Variants in DLG2 observed in about 807,000 individuals in gnomAD.
The protein encoded by DLG2 is discs large MAGUK scaffold protein 2, also known as disks large homolog 2.
A neutral mutation model predicts 132.5 loss-of-function variants in DLG2; 45 were observed. That is an observed-to-expected ratio of 0.34 (90% confidence interval 0.27 to 0.44). DLG2 has a LOEUF of 0.44. Ranked by LOEUF, DLG2 falls within the 20% of genes least tolerant of loss-of-function variation. The pLI is 1.00. For synonymous variants in DLG2, 424 were observed against 419.6 expected (o/e 1.01, Z -0.13); for missense variants, 1,045 against 1,196.9 (o/e 0.87, Z 1.87).
intron 6 of DLG2, among the ~76,000 whole-genome samples, chr11:85,036,439 A>G (rs1322608184): frequency 2.0e-5 from 3 of 152,238 alleles, no homozygotes; most frequent in Non-Finnish European, 2.9e-5. Flanking sequence ...CGTGGTCTCA[A>G]TAAAGAGAAG....
At chr11:84,048,118 G>A (rs2096276969) in intron 11 of DLG2, among the ~76,000 whole-genome samples, 1 of 151,290 alleles carries the variant, frequency 6.6e-6, no homozygotes, top group African/African-American at 2.4e-5. Context: ...TGGGAACAAG[G>A]TGAATTTATC....
At position 84,408,894 on chromosome 11, in the gene DLG2, C is replaced by T. The variant is rs919422548; in HGVS notation, c.519+125676G>A. On this transcript the variant is annotated intron_variant, in intron 7 of 27. Coordinates refer to ENST00000376104, the MANE Select transcript of DLG2 (RefSeq NM_001142699.3). ...CTCTGTAGATGTCTACAGCAAGGCC[C>T]TTGCTCATCTTGCATCTACAGTCTC... 3.9e-5 allele frequency among the ~76,000 whole-genome samples: 6 copies of T among 152,158 alleles called. 1 individual carries two copies. Among genetic ancestry groups the T allele is most frequent in the African/African-American group, 1.2e-4 (5 of 41,446 alleles).
At chr11:83,511,658 G>T (rs570583876) in intron 21 of DLG2, among the ~76,000 whole-genome samples, 1 of 151,414 alleles carries the variant, frequency 6.6e-6, no homozygotes, top group African/African-American at 2.4e-5. Flanking sequence ...CCCTCCAATA[G>T]CAAAAAGTGC....
intron 3 of DLG2, among the ~76,000 whole-genome samples, chr11:85,522,068 C>T (rs541728258): frequency 1.3e-5 from 2 of 152,284 alleles, no homozygotes; most frequent in African/African-American, 4.8e-5. Context: ...TCACAGCAGT[C>T]CTTCCCATCA....
At chr11:85,321,096 T>A (rs141319742) in intron 3 of DLG2, among the ~76,000 whole-genome samples, 1 of 151,970 alleles carries the variant, frequency 6.6e-6, no homozygotes, top group Admixed American at 6.6e-5. Flanking sequence ...TAAGAGATGA[T>A]AGTGATTTGA....
At chr11:84,118,218 T>G (rs2154198847) in intron 9 of DLG2, among the ~76,000 whole-genome samples, 1 of 152,318 alleles carries the variant, frequency 6.6e-6, no homozygotes, top group South Asian at 2.1e-4. Context: ...TTATGTTTAC[T>G]CATGCTTCTA....
chr11:84,293,679 A>C (rs1278198059), intron 7 of DLG2, among the ~76,000 whole-genome samples: 1 of 152,212 alleles, frequency 6.6e-6, no homozygotes, highest in African/African-American at 2.4e-5. Context: ...TCCGTCTCAA[A>C]AAATAAATAA....
chr11:85,161,208 G>A (rs1365510279), intron 4 of DLG2, among the ~76,000 whole-genome samples: 1 of 152,214 alleles, frequency 6.6e-6, no homozygotes, highest in Non-Finnish European at 1.5e-5. Flanking sequence ...AAGTGGATAG[G>A]ATGACCTGTT....
chr11:85,090,111 A>G (rs1279593125), intron 6 of DLG2, among the ~76,000 whole-genome samples: 1 of 152,194 alleles, frequency 6.6e-6, no homozygotes, highest in African/African-American at 2.4e-5. Flanking sequence ...TTAGGCACAC[A>G]TGTATATAAG....
chr11:84,422,044 A>G (rs748486192), intron 7 of DLG2, among the ~76,000 whole-genome samples: 5 of 152,210 alleles, frequency 3.3e-5, no homozygotes. Flanking sequence ...TTGTCATGCT[A>G]TATGGTCGTC....
intron 6 of DLG2, among the ~76,000 whole-genome samples, chr11:84,641,423 C>T (rs1363594346): frequency 2.0e-5 from 3 of 152,182 alleles, no homozygotes; most frequent in African/African-American, 7.2e-5. Context: ...AGTTGCCCTT[C>T]ACTTTGATTT....
Position 84,817,308 on chromosome 11 carries a change from G to C in DLG2, c.358-282577C>G, listed in dbSNP as rs930807360. ...AGTAAAAGATCATGCAAAGCAAAAG[G>C]GCCCTCCTGAAGGTGATGCGGAGTC... On this transcript the variant is annotated intron_variant, in intron 6 of 27. Coordinates refer to ENST00000376104, the MANE Select transcript of DLG2 (RefSeq NM_001142699.3). Among the ~76,000 whole-genome samples the C allele has an allele frequency of 3.9e-5, 6 of 151,912 alleles. No individual in the cohort carries two copies. In the South Asian group the frequency reaches 6.2e-4, roughly 16 times the overall value.
intron 6 of DLG2, among the ~76,000 whole-genome samples, chr11:84,646,528 C>A (rs987985257): frequency 6.6e-6 from 1 of 152,026 alleles, no homozygotes; most frequent in East Asian, 1.9e-4. Context: ...CTTCTCATCA[C>A]CCAGAAGACA....
chr11:83,741,898 C>T (rs1057271865), intron 18 of DLG2, among the ~76,000 whole-genome samples: 2 of 151,814 alleles, frequency 1.3e-5, no homozygotes, highest in South Asian at 2.1e-4. Flanking sequence ...GCCTGTAGTT[C>T]CAGCTACTTG....
chr11:85,055,739 G>A (rs1285662321), intron 6 of DLG2, among the ~76,000 whole-genome samples: 1 of 152,158 alleles, frequency 6.6e-6, no homozygotes, highest in Non-Finnish European at 1.5e-5. Flanking sequence ...GGAAGTCTCT[G>A]AGAAGCTAAG....
At chr11:83,472,935 C>A (rs899598753) in intron 22 of DLG2, among the ~76,000 whole-genome samples, 158 bp from the exon 23 acceptor site, 1 of 152,116 alleles carries the variant, frequency 6.6e-6, no homozygotes, top group African/African-American at 2.4e-5. Context: ...TCATAAAACT[C>A]TTTAGCACCA....
chr11:85,086,163 A>T (rs1376143839), intron 6 of DLG2, among the ~76,000 whole-genome samples: 1 of 152,086 alleles, frequency 6.6e-6, no homozygotes, highest in Non-Finnish European at 1.5e-5. Context: ...TCCATACTTG[A>T]GATCTCATTT....
chr11:83,731,637 C>T (rs2091029131), intron 18 of DLG2, among the ~76,000 whole-genome samples: 1 of 152,062 alleles, frequency 6.6e-6, no homozygotes, highest in Non-Finnish European at 1.5e-5. Flanking sequence ...ATTTATATTC[C>T]TTTGGGTATA....
chr11:85,403,259 G>A (rs78432986), intron 3 of DLG2, among the ~76,000 whole-genome samples: 3 of 152,048 alleles, frequency 2.0e-5, no homozygotes, highest in Non-Finnish European at 2.9e-5. Flanking sequence ...ACCAAACACC[G>A]CATATTCACA....
Sources: allele counts gnomAD v4.1 joint callset (sites outside exome capture counted in the v4.1 genomes callset), GRCh38; gene constraint gnomAD v4.1.1; transcripts MANE v1.5; gene names NCBI Gene and HGNC (gene_info 2026-07-23, HGNC 2026-07-21).